PRKN: variants seen among roughly 807,000 people sequenced by gnomAD.
PRKN encodes the protein parkin RBR E3 ubiquitin protein ligase, also known as E3 ubiquitin-protein ligase parkin.
PRKN carries 56 observed loss-of-function variants against 59.5 expected under a neutral mutation model. The observed-to-expected ratio is 0.94, with a 90% CI of 0.76 to 1.18. The LOEUF (loss-of-function observed/expected upper bound fraction) is 1.18, where lower values mean the gene tolerates loss of function less well. Ranked by LOEUF, PRKN falls within the 50% of genes most tolerant of loss-of-function variation. PRKN has a pLI of 0.00. For synonymous variants in PRKN, 250 were observed against 222.1 expected, an observed-to-expected ratio of 1.13 and a Z score of -1.12; for missense variants, 657 against 596.4, an observed-to-expected ratio of 1.10 and a Z score of -1.06.
chr6:161,706,948 G>A (rs754224562), intron 7 of PRKN, among the ~76,000 whole-genome samples: 2 of 152,146 alleles, frequency 1.3e-5, no homozygotes, highest in African/African-American at 2.4e-5. Context: ...ATTAGGAAAG[G>A]CAAGAAAACT....
At position 161,360,092 on chromosome 6, in the gene PRKN, T is replaced by C. The variant is rs1258359845; in HGVS notation, c.1281A>G (p.Lys427=). 10 of 1,610,336 alleles carry C rather than the reference T, an allele frequency of 6.2e-6. No individual in the cohort carries two copies. The highest frequency in any genetic ancestry group is 8.5e-6 in the Non-Finnish European group (10 of 1,176,528). The change falls in exon 11 of 12, where the codon AAA becomes AAG. Residue 427 remains lysine (K), a synonymous_variant. Transcript: ENST00000366898. This position sits in a 1 kb window ranked among gnomAD's most constrained non-coding sequence, Gnocchi z 5.1. ...PCPRCHVPVE[K]NGGCMHMKCP... The stretch of plus-strand genomic sequence containing the variant: ...CTCTGCTCAGCACAGACTCACCATT[T>C]TTTTCCACTGGTACATGGCAGCGGG...
At chr6:162,248,829 TTTC>T (rs888007886) in intron 3 of PRKN, among the ~76,000 whole-genome samples, 6 of 152,172 alleles carry the variant, frequency 3.9e-5, no homozygotes, top group South Asian at 2.1e-4. Context: ...TGAAGTTCTC[TTTC>T]TTCTTCATCA....
Position 161,396,963 on chromosome 6 carries a change from T to A in PRKN, c.1084-10086A>T, listed in dbSNP as rs1001398393. ...TCAATCAATCAGTCAAAATGATACA[T>A]TAACCCTTTATTGTATGTTGAGCAG... On this transcript the variant is annotated intron_variant, in intron 9 of 11. Transcript: ENST00000366898. This position sits in a 1 kb window ranked among gnomAD's most constrained non-coding sequence, Gnocchi z 5.4. Among the ~76,000 whole-genome samples the A allele has an allele frequency of 6.6e-6, 1 of 152,224 alleles. No individual in the cohort carries two copies. Among genetic ancestry groups the A allele is most frequent in the Non-Finnish European group, 1.5e-5 (1 of 68,040 alleles).
intron 3 of PRKN, among the ~76,000 whole-genome samples, chr6:162,228,559 A>T (rs1037149488): frequency 2.0e-5 from 3 of 152,234 alleles, no homozygotes; most frequent in Non-Finnish European, 4.4e-5. Context: ...AAAAGTTCTT[A>T]GTCCATTGAT....
intron 1 of PRKN, among the ~76,000 whole-genome samples, chr6:162,651,104 GCAA>G (rs780523675): frequency 3.2e-4 from 48 of 152,214 alleles, no homozygotes; most frequent in Non-Finnish European, 6.0e-4. Context: ...TCAACTGAGA[GCAA>G]CCACAATATG....
At chr6:161,380,187 T>C (rs539405366) in intron 10 of PRKN, among the ~76,000 whole-genome samples, 1 of 152,282 alleles carries the variant, frequency 6.6e-6, no homozygotes, top group South Asian at 2.1e-4. Flanking sequence ...CACCCATAAG[T>C]TCCTTCCCTG....
chr6:161,631,559 AT>A (rs1434597560), intron 7 of PRKN, among the ~76,000 whole-genome samples: 1 of 152,256 alleles, frequency 6.6e-6, no homozygotes, highest in Non-Finnish European at 1.5e-5. Flanking sequence ...TGCCTATGGC[AT>A]AAGGCATCTT....
intron 1 of PRKN, among the ~76,000 whole-genome samples, chr6:162,662,741 G>C: frequency 6.6e-6 from 1 of 152,036 alleles, no homozygotes; most frequent in East Asian, 1.9e-4. Flanking sequence ...ATAGGTATGT[G>C]GCTTTATTTC....
At chr6:162,116,241 C>T (rs573243661) in intron 4 of PRKN, among the ~76,000 whole-genome samples, 145 of 152,214 alleles carry the variant, frequency 9.5e-4, no homozygotes, top group African/African-American at 3.3e-3. Context: ...AACTGCAGGC[C>T]ACATAAGGAT....
At chr6:162,325,840 T>C (rs887211024) in intron 2 of PRKN, among the ~76,000 whole-genome samples, 7 of 152,192 alleles carry the variant, frequency 4.6e-5, no homozygotes, top group Non-Finnish European at 8.8e-5. Flanking sequence ...AGAGTCATAT[T>C]TGAAAAAGAG....
At chr6:162,665,122 C>T (rs111725347) in intron 1 of PRKN, among the ~76,000 whole-genome samples, 1 of 152,056 alleles carries the variant, frequency 6.6e-6, no homozygotes, top group Non-Finnish European at 1.5e-5. Context: ...ACAACCAGTA[C>T]AAGACAAGGA....
intron 3 of PRKN, among the ~76,000 whole-genome samples, chr6:162,248,798 A>C (rs927332119): frequency 2.0e-5 from 3 of 152,144 alleles, no homozygotes; most frequent in Non-Finnish European, 4.4e-5. Flanking sequence ...ATTGCATTTA[A>C]TGTTAATTTT....
chr6:162,267,686 G>A (rs1463670714), intron 2 of PRKN, among the ~76,000 whole-genome samples: 2 of 152,116 alleles, frequency 1.3e-5, no homozygotes, highest in African/African-American at 2.4e-5. Context: ...ACCGGGTTTG[G>A]TCTTACACTG....
intron 4 of PRKN, among the ~76,000 whole-genome samples, chr6:162,129,227 T>C (rs966625242): frequency 1.3e-5 from 2 of 152,246 alleles, no homozygotes; most frequent in African/African-American, 4.8e-5. Context: ...CTTAGGTTTC[T>C]TAAATGAGCT....
rs951448977 is a variant in PRKN at position 161,359,073 on chromosome 6, C to T, written c.1285+1015G>A. ...CCTCCCAAAGTGCTGGGATTACAGG[C>T]GTGAGCCACCGCGCCCGGCCGCCTT... On this transcript the variant is annotated intron_variant, in intron 11 of 11. Transcript: ENST00000366898. The surrounding 1 kb of genome is among the most constrained non-coding windows in gnomAD (Gnocchi z 5.4). 4.6e-5 allele frequency among the ~76,000 whole-genome samples: 7 copies of T among 152,116 alleles called. No individual in the cohort carries two copies. Among genetic ancestry groups the T allele is most frequent in the East Asian group, 1.9e-4 (1 of 5,186 alleles).
chr6:162,662,128 A>AT, intron 1 of PRKN, among the ~76,000 whole-genome samples: 1 of 152,162 alleles, frequency 6.6e-6, no homozygotes, highest in South Asian at 2.1e-4. Context: ...CTTTGGGTAC[A>AT]TATCCAGTAA....
At chr6:162,048,610 G>T (rs945363401) in intron 5 of PRKN, among the ~76,000 whole-genome samples, 1 of 151,412 alleles carries the variant, frequency 6.6e-6, no homozygotes, top group Non-Finnish European at 1.5e-5. Context: ...ATTGTTTTAA[G>T]TTTTTAAGGC....
rs766407973 is a variant in PRKN, at chr6:162,542,881, G to A, written c.8-99408C>T. Among the ~76,000 whole-genome samples, 10 of 152,078 alleles carry A rather than the reference G, an allele frequency of 6.6e-5. 1 individual carries two copies. The highest frequency in any genetic ancestry group is 9.7e-5 in the African/African-American group (4 of 41,404). On this transcript the variant is annotated intron_variant, in intron 1 of 11. Coordinates refer to ENST00000366898, the MANE Select transcript of PRKN (RefSeq NM_004562.3). ...TCTCGGTTGGGCTTGGGCTTCTGTA[G>A]CGGGGGGCTCACTGCTCCGCCGAGT... is the stretch of plus-strand genomic sequence containing the variant.
intron 10 of PRKN, among the ~76,000 whole-genome samples, chr6:161,365,476 G>C (rs1183049360): frequency 1.3e-5 from 2 of 152,166 alleles, no homozygotes; most frequent in African/African-American, 4.8e-5. Flanking sequence ...CAGCCCAAGA[G>C]AAAGATTCAG....
Sources: allele counts gnomAD v4.1 joint callset (sites outside exome capture counted in the v4.1 genomes callset), GRCh38; gene constraint gnomAD v4.1.1; non-coding constraint Gnocchi (gnomAD v3.1); transcripts MANE v1.5; gene names NCBI Gene and HGNC (gene_info 2026-07-23, HGNC 2026-07-21).